The following DGKG variants were observed in gnomAD, a reference collection of about 807,000 sequenced individuals.
DGKG encodes DAG kinase gamma.
In DGKG, 78 loss-of-function variants were observed where a neutral mutation model predicts 105.3. The observed-to-expected ratio is 0.74, with a 90% CI of 0.62 to 0.89. The LOEUF (loss-of-function observed/expected upper bound fraction) is 0.89, where lower values mean the gene tolerates loss of function less well. Ranked by LOEUF, DGKG falls within the 40% of genes least tolerant of loss-of-function variation. The pLI is 0.00. For missense variants in DGKG, 958 were observed against 1,020.1 expected, an observed-to-expected ratio of 0.94 and a Z score of 0.83; for synonymous variants, 346 against 367.1, an observed-to-expected ratio of 0.94 and a Z score of 0.66.
At chr3:186,314,192 C>T (rs1724699511) in intron 2 of DGKG, among the ~76,000 whole-genome samples, 1 of 116,608 alleles carries the variant, frequency 8.6e-6, no homozygotes, top group African/African-American at 2.7e-5. Context: ...CACACACACA[C>T]ACACACACAC....
At chr3:186,192,083 C>T (rs1422507390) in intron 21 of DGKG, among the ~76,000 whole-genome samples, 1 of 152,218 alleles carries the variant, frequency 6.6e-6, no homozygotes, top group Non-Finnish European at 1.5e-5. Flanking sequence ...TCTTGGCTCA[C>T]TGCAACCTCT....
intron 9 of DGKG, among the ~76,000 whole-genome samples, chr3:186,277,229 T>C (rs1367165276): frequency 1.3e-5 from 2 of 152,268 alleles, no homozygotes; most frequent in Non-Finnish European, 2.9e-5. Context: ...AGCTTCTAGT[T>C]CAATGCCTGA....
At chr3:186,244,814 GGCCTATCCA>G (rs201095297) in intron 19 of DGKG, among the ~76,000 whole-genome samples, 2,106 of 152,230 alleles carry the variant, frequency 0.014, 49 homozygotes, top group African/African-American at 0.048. Flanking sequence ...CTGTCCCTGA[GGCCTATCCA>G]GCCTGCACCG....
intron 2 of DGKG, among the ~76,000 whole-genome samples, chr3:186,311,076 A>G (rs553120303): frequency 1.3e-5 from 2 of 152,310 alleles, no homozygotes; most frequent in East Asian, 3.9e-4. Flanking sequence ...GTGGCTCTCA[A>G]ACCTGCCTGC....
At position 186,188,300 on chromosome 3, in the gene DGKG, C is replaced by A; in HGVS notation, c.1997G>T (p.Gly666Val). The A allele has an allele frequency of 6.2e-7, 1 of 1,614,142 alleles. No individual in the cohort carries two copies. The highest frequency in any genetic ancestry group is 8.5e-7 in the Non-Finnish European group (1 of 1,180,032). Residue 666 changes from glycine to valine, a missense_variant, in exon 22 of 25, where the codon GGC (glycine) becomes GTC (valine). By Grantham distance (109) the Gly-to-Val change is moderately radical (BLOSUM62 -3). Coordinates refer to ENST00000265022, the MANE Select transcript of DGKG (RefSeq NM_001346.3). ...AILNIPSMYGGTNLWGENKKN... is the reference protein window; with the variant it reads ...AILNIPSMYGVTNLWGENKKN... ...CTTGTTTTCTCCCCAGAGATTGGTG[C>A]CTCCGTACATGCTGGGAATGTTGAG...
intron 9 of DGKG, 51 bp downstream of exon 9, chr3:186,279,800 C>T (rs1377549283): frequency 2.5e-6 from 4 of 1,597,418 alleles, no homozygotes; most frequent in Non-Finnish European, 3.4e-6. Context: ...AACATGAAGC[C>T]CAATGTTCCT....
At position 186,213,221 on chromosome 3, in the gene DGKG, A is replaced by G. The variant is rs575906161; in HGVS notation, c.1827-1336T>C. Among the ~76,000 whole-genome samples the G allele has an allele frequency of 3.3e-5, 5 of 152,362 alleles. No homozygotes were observed. The South Asian group carries it at 1.0e-3, about 32-fold the overall frequency. On this transcript the variant is annotated intron_variant, in intron 20 of 24. Transcript: ENST00000265022. ...AATTATGCCTCATGAACAAAATTAG[A>G]AGAGCTGGGTGTACTGTAAGCAGAC... is the stretch of plus-strand genomic sequence containing the variant.
At chr3:186,280,522 A>T in intron 8 of DGKG, 148 bp downstream of exon 8, 1 of 557,426 alleles carries the variant, frequency 1.8e-6, no homozygotes, top group African/African-American at 1.9e-5. Context: ...GAGAGGTAGG[A>T]GGTAAAGTGC....
intron 16 of DGKG, among the ~76,000 whole-genome samples, chr3:186,259,434 T>C (rs1721646412): frequency 6.6e-6 from 1 of 152,224 alleles, no homozygotes; most frequent in South Asian, 2.1e-4. Context: ...GAAATTACTT[T>C]TACAGGTAAA....
intron 1 of DGKG, among the ~76,000 whole-genome samples, chr3:186,358,031 G>A (rs1002311333): frequency 4.6e-5 from 7 of 152,222 alleles, no homozygotes; most frequent in African/African-American, 1.7e-4. Context: ...CACCTTTCAG[G>A]TATATTTCTG....
intron 21 of DGKG, among the ~76,000 whole-genome samples, chr3:186,209,825 A>G (rs2268842): frequency 0.55 from 83,601 of 151,962 alleles, 24,012 homozygotes; most frequent in East Asian, 0.93. Flanking sequence ...CTCTGGATAC[A>G]GAAATGGTGC....
At chr3:186,254,745 C>T (rs1721384271) in intron 17 of DGKG, among the ~76,000 whole-genome samples, 1 of 152,180 alleles carries the variant, frequency 6.6e-6, no homozygotes, top group South Asian at 2.1e-4. Context: ...GCTCTCTCCG[C>T]CTCCAGTTCC....
intron 2 of DGKG, among the ~76,000 whole-genome samples, chr3:186,311,577 T>C (rs141973104): frequency 1.1e-3 from 167 of 152,344 alleles, no homozygotes; most frequent in Non-Finnish European, 1.9e-3. Flanking sequence ...TTGTCTTCTA[T>C]ACTTTATGTG....
intron 19 of DGKG, among the ~76,000 whole-genome samples, chr3:186,249,305 G>A (rs944726347): frequency 3.9e-5 from 6 of 152,110 alleles, no homozygotes; most frequent in Non-Finnish European, 7.4e-5. Flanking sequence ...CCGATCATGG[G>A]CCCAGCAATG....
rs769028825 is a variant in DGKG, at chr3:186,149,496, C to T, written c.*594G>A. ...AGAATGGAAATACAGCTTTCCACAG[C>T]CTTTCTGCCTCTTCAGCAGGTTCAC... On this transcript the variant is annotated 3_prime_UTR_variant, in exon 25 of 25. Coordinates refer to ENST00000265022, the MANE Select transcript of DGKG (RefSeq NM_001346.3). 3.0e-6 allele frequency: 3 copies of T among 985,338 alleles called. No individual in the cohort carries two copies. The highest frequency in any genetic ancestry group is 3.6e-6 in the Non-Finnish European group (3 of 829,960). The allele number at this position is 985,338 out of a possible 1,614,324, so 61.0% of individuals were successfully genotyped here. A position where few individuals can be genotyped will look rare whatever the true frequency, so the allele number is the denominator to read the frequency against.
intron 24 of DGKG, among the ~76,000 whole-genome samples, chr3:186,151,390 A>G (rs1182699530): frequency 6.6e-6 from 1 of 152,258 alleles, no homozygotes; most frequent in African/African-American, 2.4e-5. Context: ...AACGAGTTTA[A>G]ATCAATGTCG....
At position 186,148,976 on chromosome 3, in the gene DGKG, T is replaced by TATAA. The variant is rs1715628029; in HGVS notation, c.*1113_*1114insTTAT. 1.5e-5 allele frequency: 11 copies of TATAA among 740,942 alleles called. No individual in the cohort carries two copies. The highest frequency in any genetic ancestry group is 1.8e-5 in the Non-Finnish European group (11 of 610,220). The allele number at this position is 740,942 out of a possible 1,614,324, so 45.9% of individuals were successfully genotyped here. On this transcript the variant is annotated 3_prime_UTR_variant, in exon 25 of 25. Transcript: ENST00000265022. ...ATAAATATTTATATATATATATATATAAATATATAGGCTAAATATATATAT... is the reference window on the plus strand; with the variant it reads ...ATAAATATTTATATATATATATATATATAAAAATATATAGGCTAAATATATATAT...
chr3:186,298,602 G>T (rs983165784), intron 3 of DGKG, among the ~76,000 whole-genome samples: 5 of 152,248 alleles, frequency 3.3e-5, no homozygotes, highest in Non-Finnish European at 5.9e-5. Context: ...GTCCAGGCCT[G>T]TGTGAGGGAT....
intron 21 of DGKG, among the ~76,000 whole-genome samples, chr3:186,201,291 G>C (rs1230647602): frequency 6.6e-6 from 1 of 152,058 alleles, no homozygotes; most frequent in African/African-American, 2.4e-5. Context: ...CTTTCCTGCA[G>C]ACAAAGCAGG....
Sources: gnomAD v4.1 joint callset for allele counts (sites outside exome capture counted in the v4.1 genomes callset) on GRCh38, gnomAD v4.1.1 for gene constraint, MANE v1.5 for transcripts, NCBI Gene and HGNC (gene_info 2026-07-23, HGNC 2026-07-21) for gene names.